MAPKAP1: variants seen among roughly 807,000 people sequenced by gnomAD.
The protein encoded by MAPKAP1 is target of rapamycin complex 2 subunit MAPKAP1.
In MAPKAP1, 20 loss-of-function variants were observed where a neutral mutation model predicts 65.7. The observed-to-expected ratio is 0.30, with a 90% CI of 0.21 to 0.44. MAPKAP1 has a LOEUF of 0.44. MAPKAP1 is among the 20% of genes least tolerant of loss of function. The probability of loss-of-function intolerance (pLI) is 1.00; values close to 1 mark genes in which losing one functional copy is unlikely to be tolerated. For missense variants in MAPKAP1, 423 were observed against 648.0 expected (o/e 0.65, Z 3.77); for synonymous variants, 222 against 244.3 (o/e 0.91, Z 0.85).
chr9:125,571,697 A>C (rs968603269), intron 5 of MAPKAP1, among the ~76,000 whole-genome samples: 7 of 3,164 alleles, frequency 2.2e-3, no homozygotes, highest in African/African-American at 2.4e-3. Context: ...CATCTTTACT[A>C]AAAAAAAATA....
intron 4 of MAPKAP1, among the ~76,000 whole-genome samples, chr9:125,599,615 T>C (rs1832243981): frequency 6.6e-6 from 1 of 151,702 alleles, no homozygotes; most frequent in Non-Finnish European, 1.5e-5. Flanking sequence ...TTTTTTTTTT[T>C]TTTTTTGAGA....
At chr9:125,559,851 G>A (rs1830841706) in intron 5 of MAPKAP1, 42 bp from the exon 6 acceptor site, 1 of 1,568,540 alleles carries the variant, frequency 6.4e-7, no homozygotes. Context: ...CCAAGGTAGG[G>A]AAGGGACAAG....
intron 6 of MAPKAP1, among the ~76,000 whole-genome samples, chr9:125,555,397 T>C (rs1830707627): frequency 1.3e-5 from 2 of 152,256 alleles, no homozygotes; most frequent in Non-Finnish European, 2.9e-5. Flanking sequence ...AGCAAGATAC[T>C]ATTGAAGCTG....
intron 4 of MAPKAP1, chr9:125,650,244 G>A (rs541089058): frequency 6.6e-6 from 1 of 152,138 alleles, no homozygotes; most frequent in South Asian, 2.1e-4. Context: ...GGATATACTC[G>A]GCAGCACAGC....
At chr9:125,521,962 G>A (rs1282242728) in intron 7 of MAPKAP1, among the ~76,000 whole-genome samples, 4 of 152,186 alleles carry the variant, frequency 2.6e-5, no homozygotes, top group African/African-American at 7.2e-5. Context: ...CAGAGGCTTC[G>A]GTAAACCACT....
At chr9:125,445,691 G>A (rs1313876948) in intron 10 of MAPKAP1, among the ~76,000 whole-genome samples, 1 of 152,270 alleles carries the variant, frequency 6.6e-6, no homozygotes, top group African/African-American at 2.4e-5. Flanking sequence ...CACAAGGACT[G>A]AGAATAAGAT....
chr9:125,620,953 A>C (rs1832879460), intron 4 of MAPKAP1, among the ~76,000 whole-genome samples: 1 of 152,156 alleles, frequency 6.6e-6, no homozygotes. Flanking sequence ...AACACATGAA[A>C]TTAAATAATA....
chr9:125,627,959 A>C (rs554394595), intron 4 of MAPKAP1, among the ~76,000 whole-genome samples: 2 of 152,330 alleles, frequency 1.3e-5, no homozygotes, highest in East Asian at 3.9e-4. Context: ...CCATTTTATA[A>C]TTCTCTACGA....
At chr9:125,574,777 C>G (rs922693663) in intron 5 of MAPKAP1, among the ~76,000 whole-genome samples, 4 of 152,192 alleles carry the variant, frequency 2.6e-5, no homozygotes, top group African/African-American at 9.7e-5. Flanking sequence ...TTAGGAGGAG[C>G]AGAAATGAAC....
At chr9:125,585,497 A>G (rs556530491) in intron 5 of MAPKAP1, 58 bp downstream of exon 5, 1 of 1,579,244 alleles carries the variant, frequency 6.3e-7, no homozygotes, top group East Asian at 2.2e-5. Flanking sequence ...CCTAGAAGAC[A>G]CCTTGGGTGG....
At chr9:125,577,176 G>A (rs1230058195) in intron 5 of MAPKAP1, among the ~76,000 whole-genome samples, 16 of 151,440 alleles carry the variant, frequency 1.1e-4, no homozygotes, top group Non-Finnish European at 2.2e-4. Flanking sequence ...CTGCCGCCCC[G>A]TCCGGGATGT....
At chr9:125,458,064 T>C (rs1853259585) in intron 10 of MAPKAP1, among the ~76,000 whole-genome samples, 1 of 152,210 alleles carries the variant, frequency 6.6e-6, no homozygotes, top group Non-Finnish European at 1.5e-5. Flanking sequence ...GTCTCACCTC[T>C]TTTGTTACCT....
chr9:125,634,178 C>G (rs2091381827), intron 4 of MAPKAP1, among the ~76,000 whole-genome samples: 1 of 152,180 alleles, frequency 6.6e-6, no homozygotes, highest in Admixed American at 6.5e-5. Context: ...TTAATTCTGT[C>G]AGTGTCACCT....
chr9:125,476,282 C>T (rs1406906600), intron 9 of MAPKAP1, among the ~76,000 whole-genome samples: 4 of 152,172 alleles, frequency 2.6e-5, no homozygotes, highest in African/African-American at 9.7e-5. Context: ...TAAGTCAATT[C>T]CAAAGTTTGG....
At chr9:125,577,624 C>A (rs1831472912) in intron 5 of MAPKAP1, among the ~76,000 whole-genome samples, 1 of 91,432 alleles carries the variant, frequency 1.1e-5, no homozygotes, top group African/African-American at 4.2e-5. Flanking sequence ...GGGGGGTCAG[C>A]CCCCCGCCCG....
intron 5 of MAPKAP1, chr9:125,565,424 T>C: frequency 5.8e-6 from 1 of 172,546 alleles, no homozygotes. Context: ...TTAAGTATGA[T>C]GACCAGATAG....
At chr9:125,492,035 T>TAAAA (rs33954490) in intron 8 of MAPKAP1, among the ~76,000 whole-genome samples, 2 of 125,408 alleles carry the variant, frequency 1.6e-5, no homozygotes, top group Admixed American at 8.2e-5. Flanking sequence ...TACTGAAAGT[T>TAAAA]AAAAAAAAAA....
At chr9:125,670,112 T>C (rs1459377288) in intron 2 of MAPKAP1, among the ~76,000 whole-genome samples, 1 of 152,108 alleles carries the variant, frequency 6.6e-6, no homozygotes, top group African/African-American at 2.4e-5. Flanking sequence ...AATTAGAGGA[T>C]ATAAAACACT....
rs1421333172 is a variant in MAPKAP1, at chr9:125,438,639, GGGTGGTCT to G, written c.*240_*247del. ...CTGGGCGGCACGTGGCTCCTCTAGG[GGGTGGTCT>G]GACCCCCAAGCATCGCTTATCAAAG... is the stretch of plus-strand genomic sequence containing the variant. On this transcript the variant is annotated 3_prime_UTR_variant, in exon 12 of 12. Coordinates refer to ENST00000265960, the MANE Select transcript of MAPKAP1 (RefSeq NM_001006617.3). 4 of 500,240 alleles carry G rather than the reference GGGTGGTCT, an allele frequency of 8.0e-6. No individual in the cohort carries two copies. Among genetic ancestry groups the G allele is most frequent in the Non-Finnish European group, 1.4e-5 (4 of 285,564 alleles). The allele number at this position is 500,240 out of a possible 1,614,324, so 31.0% of individuals were successfully genotyped here.
Sources: gnomAD v4.1 joint callset for allele counts (sites outside exome capture counted in the v4.1 genomes callset) on GRCh38, gnomAD v4.1.1 for gene constraint, MANE v1.5 for transcripts, NCBI Gene and HGNC (gene_info 2026-07-23, HGNC 2026-07-21) for gene names.